Variants in KDM4B observed in about 807,000 individuals in gnomAD.
The protein encoded by KDM4B is lysine-specific demethylase 4B.
KDM4B carries 32 observed loss-of-function variants against 125.2 expected under a neutral mutation model. The observed-to-expected ratio is 0.26, with a 90% CI of 0.19 to 0.34. KDM4B has a LOEUF of 0.34. Ranked by LOEUF, KDM4B falls within the 10% of genes least tolerant of loss-of-function variation. The probability of loss-of-function intolerance (pLI) is 1.00; values close to 1 mark genes in which losing one functional copy is unlikely to be tolerated. For missense variants in KDM4B, 1,190 were observed against 1,577.7 expected, an observed-to-expected ratio of 0.75 and a Z score of 4.16; for synonymous variants, 721 against 677.9, an observed-to-expected ratio of 1.06 and a Z score of -0.99.
rs548993272 is a variant in KDM4B at position 5,028,517 on chromosome 19, G to A, written c.-25-4349G>A. On this transcript the variant is annotated intron_variant, in intron 2 of 22. Transcript: ENST00000159111. The stretch of plus-strand genomic sequence containing the variant: ...TGGGTCGTTTCCACCTTTGGCTGTT[G>A]GGAATTGTGCTTCTGCAGACGTGGT... Among the ~76,000 whole-genome samples, 7 of 152,300 alleles carry A rather than the reference G, an allele frequency of 4.6e-5. No individual in the cohort carries two copies. The East Asian group carries it at 1.3e-3, about 29-fold the overall frequency.
intron 1 of KDM4B, among the ~76,000 whole-genome samples, chr19:4,998,705 C>T (rs964617791): frequency 5.3e-5 from 8 of 152,334 alleles, no homozygotes; most frequent in Middle Eastern, 3.4e-3. Flanking sequence ...AGCACTCAGT[C>T]GTCTTGCCTG....
At chr19:5,094,681 C>T (rs1358748525) in intron 9 of KDM4B, among the ~76,000 whole-genome samples, 1 of 152,064 alleles carries the variant, frequency 6.6e-6, no homozygotes, top group East Asian at 1.9e-4. Flanking sequence ...TGCGGTGGTG[C>T]TGGGAGCGCA....
intron 6 of KDM4B, 27 bp downstream of exon 6, chr19:5,047,696 C>T (rs569566724): frequency 1.7e-5 from 27 of 1,604,542 alleles, no homozygotes; most frequent in African/African-American, 5.4e-5. Context: ...GCCCTGCCGC[C>T]GGCCGGACCG....
At chr19:5,103,762 T>C (rs1374923111) in intron 9 of KDM4B, among the ~76,000 whole-genome samples, 1 of 152,194 alleles carries the variant, frequency 6.6e-6, no homozygotes, top group African/African-American at 2.4e-5. Context: ...GGGCCTGTGT[T>C]GGAGAAGGAT....
At chr19:5,110,535 C>A in intron 9 of KDM4B, 87 bp from the exon 10 acceptor site, 1 of 1,347,152 alleles carries the variant, frequency 7.4e-7, no homozygotes, top group Non-Finnish European at 1.1e-6. Flanking sequence ...AGGCCCGGGC[C>A]GTGAGCCCTA....
At chr19:4,976,913 A>G (rs954891257) in intron 1 of KDM4B, among the ~76,000 whole-genome samples, 2 of 152,264 alleles carry the variant, frequency 1.3e-5, no homozygotes, top group Non-Finnish European at 2.9e-5. Context: ...TTGTCAAGAA[A>G]TCGTACCGTT....
In KDM4B at chr19:5,144,325, C is replaced by T. The variant is rs772620351; in HGVS notation, c.2814C>T (p.Arg938=). ...KNRNGLYYRC[R]VIGAASQTCY... Reference sequence around the variant, plus strand: ...GCAACGGGCTGTACTACCGCTGTCGCGTCATCGGTGCCGCCTCGCAGACCT... The same window carrying T: ...GCAACGGGCTGTACTACCGCTGTCGTGTCATCGGTGCCGCCTCGCAGACCT... Residue 938 remains arginine (R), a synonymous_variant, in exon 20 of 23, where the codon CGC becomes CGT. Transcript: ENST00000159111. 1.0e-5 allele frequency: 16 copies of T among 1,580,450 alleles called. No individual in the cohort carries two copies. The highest frequency in any genetic ancestry group is 2.3e-5 in the South Asian group (2 of 86,534).
chr19:5,125,233 G>T (rs567692125), intron 11 of KDM4B, among the ~76,000 whole-genome samples: 4 of 151,996 alleles, frequency 2.6e-5, no homozygotes, highest in Non-Finnish European at 4.4e-5. Context: ...ATCTTCCCAA[G>T]CCCACTGACG....
chr19:5,086,805 G>A (rs2038515597), intron 9 of KDM4B, among the ~76,000 whole-genome samples: 1 of 152,250 alleles, frequency 6.6e-6, no homozygotes, highest in African/African-American at 2.4e-5. Context: ...CACTGCCACA[G>A]ATGTGCTGCC....
At chr19:5,071,252 T>C (rs1355301836) in intron 7 of KDM4B, among the ~76,000 whole-genome samples, 193 bp downstream of exon 7, 3 of 152,272 alleles carry the variant, frequency 2.0e-5, no homozygotes, top group Non-Finnish European at 4.4e-5. Context: ...ATTCACGCCC[T>C]TCTGCCGCGC....
At chr19:5,150,313 C>T (rs2039924175) in intron 21 of KDM4B, 45 bp from the exon 22 acceptor site, 2 of 1,500,306 alleles carry the variant, frequency 1.3e-6, no homozygotes, top group Non-Finnish European at 1.8e-6. Flanking sequence ...GGAGCACCTG[C>T]CATCCTGGCA....
intron 1 of KDM4B, among the ~76,000 whole-genome samples, chr19:4,984,584 C>G (rs2034764460): frequency 6.6e-6 from 1 of 152,266 alleles, no homozygotes; most frequent in East Asian, 1.9e-4. Context: ...TTCCGTACGC[C>G]TCGTCAGGTT....
At chr19:5,058,029 A>G (rs2037464856) in intron 6 of KDM4B, among the ~76,000 whole-genome samples, 1 of 152,200 alleles carries the variant, frequency 6.6e-6, no homozygotes, top group Non-Finnish European at 1.5e-5. Context: ...GGCAGGGCCC[A>G]CCACTTCTGC....
chr19:5,057,168 T>C (rs1448890548), intron 6 of KDM4B, among the ~76,000 whole-genome samples: 1 of 150,448 alleles, frequency 6.6e-6, no homozygotes, highest in Non-Finnish European at 1.5e-5. Context: ...CAGCCCCCTC[T>C]GCACACTGTG....
chr19:4,983,937 C>G (rs977050652), intron 1 of KDM4B, among the ~76,000 whole-genome samples: 1 of 152,116 alleles, frequency 6.6e-6, no homozygotes, highest in Non-Finnish European at 1.5e-5. Context: ...CTGCAGGTCC[C>G]GCTTCAAGGC....
chr19:5,054,196 C>G (rs931116983), intron 6 of KDM4B, among the ~76,000 whole-genome samples: 23 of 152,196 alleles, frequency 1.5e-4, no homozygotes, highest in African/African-American at 5.3e-4. Context: ...GTGATCCTCC[C>G]CCTTCAGCCT....
intron 2 of KDM4B, among the ~76,000 whole-genome samples, chr19:5,031,985 C>G (rs1303189725): frequency 6.6e-6 from 1 of 152,208 alleles, no homozygotes; most frequent in East Asian, 1.9e-4. Flanking sequence ...GTCCTTGTTT[C>G]CGAATCCTAG....
At chr19:5,003,144 A>G (rs2035445681) in intron 1 of KDM4B, among the ~76,000 whole-genome samples, 1 of 151,878 alleles carries the variant, frequency 6.6e-6, no homozygotes, top group Non-Finnish European at 1.5e-5. Context: ...TGGGGACCTC[A>G]CTTTATTGTT....
chr19:5,012,670 G>A (rs2035766101), intron 1 of KDM4B, among the ~76,000 whole-genome samples: 2 of 152,184 alleles, frequency 1.3e-5, no homozygotes, highest in Admixed American at 6.5e-5. Flanking sequence ...TGCTCAGGCT[G>A]GCACGCGGTG....
Sources: gnomAD v4.1 joint callset for allele counts (sites outside exome capture counted in the v4.1 genomes callset) on GRCh38, gnomAD v4.1.1 for gene constraint, MANE v1.5 for transcripts, NCBI Gene and HGNC (gene_info 2026-07-23, HGNC 2026-07-21) for gene names.